The following RBFOX1 variants were observed in gnomAD, a reference collection of about 807,000 sequenced individuals.
The protein encoded by RBFOX1 is RNA binding protein fox-1 homolog 1.
In RBFOX1, 8 loss-of-function variants were observed where a neutral mutation model predicts 57.7. That is an observed-to-expected ratio of 0.14 (90% CI 0.08 to 0.25). The LOEUF is 0.25. RBFOX1 is among the 10% of genes least tolerant of loss of function. The pLI, the probability that RBFOX1 is intolerant of heterozygous loss-of-function variation, is 1.00. For missense variants in RBFOX1, 611 were observed against 548.5 expected (o/e 1.11, Z -1.14); for synonymous variants, 326 against 222.4 (o/e 1.47, Z -4.15).
chr16:5,294,168 G>A (rs1336186177), intron 1 of RBFOX1, among the ~76,000 whole-genome samples: 2 of 152,154 alleles, frequency 1.3e-5, no homozygotes, highest in South Asian at 2.1e-4. Flanking sequence ...GGCAGAGGTT[G>A]CAGTGAGCTG....
intron 3 of RBFOX1, among the ~76,000 whole-genome samples, chr16:6,682,943 G>A (rs967238452): frequency 2.0e-5 from 3 of 151,476 alleles, no homozygotes; most frequent in Non-Finnish European, 4.4e-5. Flanking sequence ...GGCCAGGCAA[G>A]TCACATCAGG....
intron 3 of RBFOX1, among the ~76,000 whole-genome samples, chr16:5,732,410 G>A (rs1217944411): frequency 6.6e-6 from 1 of 152,192 alleles, no homozygotes; most frequent in Admixed American, 6.5e-5. Context: ...GAGCAAGAAA[G>A]CTTAGTGGCA....
At position 7,057,913 on chromosome 16, in the gene RBFOX1, C is replaced by T. The variant is rs373505471; in HGVS notation, c.27+5815C>T. On this transcript the variant is annotated intron_variant, in intron 4 of 15. Coordinates refer to ENST00000550418, the MANE Select transcript of RBFOX1 (RefSeq NM_018723.4). Reference sequence around the variant, plus strand: ...GTCCCAGCTACTCCGGAGGCTGAGGCAGGAGAATTGCTTGACCCCGGGAGG... The same window carrying T: ...GTCCCAGCTACTCCGGAGGCTGAGGTAGGAGAATTGCTTGACCCCGGGAGG... 4.1e-5 allele frequency among the ~76,000 whole-genome samples: 6 copies of T among 147,988 alleles called. No individual in the cohort carries two copies. In the East Asian group the frequency reaches 1.0e-3, roughly 26 times the overall value.
chr16:6,890,849 C>T (rs757275135), intron 3 of RBFOX1, among the ~76,000 whole-genome samples: 1 of 152,190 alleles, frequency 6.6e-6, no homozygotes, highest in Non-Finnish European at 1.5e-5. Context: ...TAGCACTTAG[C>T]AGACTCAGTA....
intron 1 of RBFOX1, among the ~76,000 whole-genome samples, chr16:5,345,063 T>C (rs2065111692): frequency 6.6e-6 from 1 of 152,208 alleles, no homozygotes. Context: ...CCCCCTTTTG[T>C]CAAGGATCCT....
At position 6,585,281 on chromosome 16, in the gene RBFOX1, CAA is replaced by C. The variant is rs368694373; in HGVS notation, c.-63-69321_-63-69320del. Among the ~76,000 whole-genome samples the C allele has an allele frequency of 1.8e-4, 28 of 152,284 alleles. No homozygotes were observed. The East Asian group carries it at 4.1e-3, about 22-fold the overall frequency. On this transcript the variant is annotated intron_variant, in intron 2 of 15. Coordinates refer to ENST00000550418, the MANE Select transcript of RBFOX1 (RefSeq NM_018723.4). ...CCTTTATCGTCATGTAGGTGTGAAA[CAA>C]GAGGTACATTTGCAGGGCTGCCATG...
At chr16:6,389,020 C>G (rs1419217619) in intron 2 of RBFOX1, among the ~76,000 whole-genome samples, 3 of 152,302 alleles carry the variant, frequency 2.0e-5, no homozygotes, top group Non-Finnish European at 4.4e-5. Flanking sequence ...ATCCCTCTAA[C>G]TACTGAGTTA....
At chr16:7,345,893 A>C (rs190179976) in intron 4 of RBFOX1, among the ~76,000 whole-genome samples, 12 of 152,246 alleles carry the variant, frequency 7.9e-5, no homozygotes, top group Admixed American at 4.6e-4. Context: ...TTTGTTACAT[A>C]CATATACATG....
At chr16:5,407,947 A>G (rs1483566083) in intron 1 of RBFOX1, among the ~76,000 whole-genome samples, 1 of 152,224 alleles carries the variant, frequency 6.6e-6, no homozygotes, top group Non-Finnish European at 1.5e-5. Flanking sequence ...CCAGGACCCA[A>G]TTTGGATTGA....
chr16:6,453,321 T>G (rs907073183), intron 2 of RBFOX1, among the ~76,000 whole-genome samples: 5 of 152,160 alleles, frequency 3.3e-5, no homozygotes, highest in African/African-American at 1.2e-4. Context: ...GTCCATGTGT[T>G]TTCATTATTC....
chr16:7,427,380 G>A (rs951970808), intron 4 of RBFOX1, among the ~76,000 whole-genome samples: 1 of 152,140 alleles, frequency 6.6e-6, no homozygotes, highest in African/African-American at 2.4e-5. Flanking sequence ...GCTGGTCTGA[G>A]AACCCCCAAG....
chr16:5,994,829 CA>C (rs1224732335), intron 4 of RBFOX1, among the ~76,000 whole-genome samples: 1 of 152,178 alleles, frequency 6.6e-6, no homozygotes, highest in Non-Finnish European at 1.5e-5. Context: ...CAGGGCCTAG[CA>C]AAGGGCCAAG....
rs148145965 is a variant in RBFOX1, at chr16:5,607,677, C to T, written c.318+8716C>T. ...TCAGCTCTGTTGATGTAAACTGTCC[C>T]AGAAGGCTCCCTCATACTTCTCTCT... is the stretch of plus-strand genomic sequence containing the variant. On this transcript the variant is annotated intron_variant, in intron 3 of 19. Transcript: ENST00000641259. Among the ~76,000 whole-genome samples the T allele has an allele frequency of 4.3e-3, 655 of 152,246 alleles. 7 individuals carry two copies. Among genetic ancestry groups the T allele is most frequent in the African/African-American group, 0.015 (626 of 41,546 alleles).
At chr16:5,797,744 T>G (rs193129547) in intron 3 of RBFOX1, among the ~76,000 whole-genome samples, 31 of 152,300 alleles carry the variant, frequency 2.0e-4, no homozygotes, top group East Asian at 1.5e-3. Flanking sequence ...CATTTAGATT[T>G]TATTGGAATT....
chr16:5,788,027 C>T (rs965939268), intron 3 of RBFOX1, among the ~76,000 whole-genome samples: 1 of 152,156 alleles, frequency 6.6e-6, no homozygotes, highest in Non-Finnish European at 1.5e-5. Flanking sequence ...CTTGTTTACA[C>T]CTATAGAATG....
chr16:6,578,874 TGGGGACTTG>T (rs778855081), intron 2 of RBFOX1, among the ~76,000 whole-genome samples: 16 of 151,886 alleles, frequency 1.1e-4, no homozygotes, highest in Non-Finnish European at 2.4e-4. Context: ...CAATGGACTT[TGGGGACTTG>T]GGGGAAAGGG....
chr16:7,227,439 G>A (rs139134373), intron 4 of RBFOX1, among the ~76,000 whole-genome samples: 167 of 152,096 alleles, frequency 1.1e-3, no homozygotes, highest in Admixed American at 3.4e-3. Flanking sequence ...GTCCCCAACC[G>A]TATTAATAAA....
intron 1 of RBFOX1, among the ~76,000 whole-genome samples, chr16:6,118,842 C>T (rs1412431728): frequency 6.6e-6 from 1 of 151,498 alleles, no homozygotes; most frequent in East Asian, 1.9e-4. Context: ...CTCTCTTTCC[C>T]CATCTTCTTC....
chr16:6,371,978 G>T (rs1014530336), intron 2 of RBFOX1, among the ~76,000 whole-genome samples: 1 of 152,162 alleles, frequency 6.6e-6, no homozygotes, highest in Non-Finnish European at 1.5e-5. Context: ...CCATTGCCTA[G>T]GAAGATGTCT....
Sources: gnomAD v4.1 joint callset for allele counts (sites outside exome capture counted in the v4.1 genomes callset) on GRCh38, gnomAD v4.1.1 for gene constraint, MANE v1.5 for transcripts, NCBI Gene and HGNC (gene_info 2026-07-23, HGNC 2026-07-21) for gene names.